SLC30A8: variants seen among roughly 807,000 people sequenced by gnomAD.
SLC30A8 encodes the protein proton-coupled zinc antiporter SLC30A8.
Under a neutral mutation model 36.9 loss-of-function variants are expected in SLC30A8, and 27 were observed. The ratio of observed to expected loss-of-function variants is 0.73; its 90% CI spans 0.54 to 1.01. The LOEUF (loss-of-function observed/expected upper bound fraction) is 1.01, where lower values mean the gene tolerates loss of function less well. Ranked by LOEUF, SLC30A8 falls within the 50% of genes least tolerant of loss-of-function variation. SLC30A8 has a pLI of 0.00. For synonymous variants in SLC30A8, 164 were observed against 172.4 expected (o/e 0.95, Z 0.38); for missense variants, 439 against 452.0 (o/e 0.97, Z 0.26).
chr8:116,984,061 GTTA>G (rs1815362845), intron 1 of SLC30A8, among the ~76,000 whole-genome samples: 1 of 152,036 alleles, frequency 6.6e-6, no homozygotes, highest in African/African-American at 2.4e-5. Context: ...TTTCAATAAT[GTTA>G]TTATGGATAG....
At chr8:117,026,026 T>C (rs1025870461) in intron 1 of SLC30A8, among the ~76,000 whole-genome samples, 3 of 152,156 alleles carry the variant, frequency 2.0e-5, no homozygotes, top group African/African-American at 7.2e-5. Context: ...AGCTGCACTT[T>C]AGGAGTTATG....
At chr8:117,166,623 G>A (rs940256727) in intron 6 of SLC30A8, among the ~76,000 whole-genome samples, 1 of 152,116 alleles carries the variant, frequency 6.6e-6, no homozygotes, top group African/African-American at 2.4e-5. Context: ...CAACACTTCA[G>A]GAACCACTGG....
chr8:117,058,940 T>G (rs555050102), intron 2 of SLC30A8, among the ~76,000 whole-genome samples: 4 of 152,306 alleles, frequency 2.6e-5, no homozygotes, highest in African/African-American at 9.6e-5. Flanking sequence ...TAACCCTTTC[T>G]TAAAAAATGT....
At chr8:117,069,457 G>A (rs1314489581) in intron 2 of SLC30A8, among the ~76,000 whole-genome samples, 2 of 152,178 alleles carry the variant, frequency 1.3e-5, no homozygotes, top group African/African-American at 4.8e-5. Flanking sequence ...AATTGAAAGT[G>A]ACTGTATTAT....
chr8:117,025,878 A>C (rs1405607921), intron 1 of SLC30A8, among the ~76,000 whole-genome samples: 2 of 152,210 alleles, frequency 1.3e-5, no homozygotes, highest in Non-Finnish European at 2.9e-5. Flanking sequence ...ATGGCATTTA[A>C]TGGTCTCAGG....
chr8:116,980,379 G>C (rs1815211110), intron 1 of SLC30A8, among the ~76,000 whole-genome samples: 1 of 152,094 alleles, frequency 6.6e-6, no homozygotes, highest in Non-Finnish European at 1.5e-5. Context: ...GAAAGGGCAG[G>C]GGGAGAATTT....
intron 2 of SLC30A8, among the ~76,000 whole-genome samples, chr8:117,085,194 T>C (rs1438006230): frequency 1.3e-5 from 2 of 152,162 alleles, no homozygotes; most frequent in Admixed American, 6.6e-5. Context: ...GTTTACATAC[T>C]ACCCTCTATT....
chr8:117,136,873 C>T (rs1022603634), intron 1 of SLC30A8, among the ~76,000 whole-genome samples: 7 of 152,086 alleles, frequency 4.6e-5, no homozygotes, highest in Non-Finnish European at 7.4e-5. Context: ...GTTTTCAGGA[C>T]ACAGTGTTTA....
At chr8:116,994,781 CA>C (rs1815760797) in intron 1 of SLC30A8, among the ~76,000 whole-genome samples, 1 of 152,028 alleles carries the variant, frequency 6.6e-6, no homozygotes, top group Non-Finnish European at 1.5e-5. Flanking sequence ...CTGTCTTTCC[CA>C]AAAGCGAAGT....
intron 1 of SLC30A8, among the ~76,000 whole-genome samples, chr8:116,992,545 G>A (rs1054969701): frequency 6.6e-6 from 1 of 152,062 alleles, no homozygotes; most frequent in African/African-American, 2.4e-5. Flanking sequence ...CTTTATGGAA[G>A]TGTCATGGGT....
intron 1 of SLC30A8, among the ~76,000 whole-genome samples, chr8:116,958,970 C>T (rs1039394207): frequency 6.6e-6 from 1 of 150,968 alleles, no homozygotes; most frequent in African/African-American, 2.4e-5. Context: ...CTGCCTCAGC[C>T]TCCCGAGTAG....
chr8:117,054,116 T>TTTTTTTTTG (rs71305459), intron 2 of SLC30A8, among the ~76,000 whole-genome samples: 1 of 150,154 alleles, frequency 6.7e-6, no homozygotes, highest in Non-Finnish European at 1.5e-5. Context: ...TTTTTTTTTT[T>TTTTTTTTTG]GAGACAGGGC....
In SLC30A8 at chr8:117,135,359, A is replaced by T. The variant is rs1821312496; in HGVS notation, c.32A>T (p.Asn11Ile). 13 of 1,600,996 alleles carry T rather than the reference A, an allele frequency of 8.1e-6. No individual in the cohort carries two copies. Among genetic ancestry groups the T allele is most frequent in the Non-Finnish European group, 1.1e-5 (13 of 1,172,130 alleles). MEFLERTYLV[N>I]DKAAKMYAFT... is the part of the protein sequence containing the mutation. ...TTTCTTGAAAGAACGTATCTTGTGA[A>T]TGATAAAGCTGCCAAGATGTATGCT... is the stretch of plus-strand genomic sequence containing the variant. The change falls in exon 1 of 8, where the codon AAT becomes ATT. Residue 11 changes from asparagine to isoleucine, a missense_variant. Coordinates refer to ENST00000456015, the MANE Select transcript of SLC30A8 (RefSeq NM_173851.3).
chr8:117,023,030 G>GA (rs1394949863), intron 1 of SLC30A8, among the ~76,000 whole-genome samples: 6 of 151,338 alleles, frequency 4.0e-5, no homozygotes, highest in Admixed American at 1.3e-4. Flanking sequence ...AAATTTACAA[G>GA]AAAAAAAACA....
At chr8:117,125,176 A>G (rs546198663) in intron 2 of SLC30A8, among the ~76,000 whole-genome samples, 3 of 152,142 alleles carry the variant, frequency 2.0e-5, no homozygotes, top group African/African-American at 7.2e-5. Context: ...GATTTTTATC[A>G]GAATAAGAAG....
chr8:117,053,935 A>G (rs1383182049), intron 2 of SLC30A8, among the ~76,000 whole-genome samples: 3 of 152,156 alleles, frequency 2.0e-5, no homozygotes, highest in Non-Finnish European at 2.9e-5. Context: ...GGAAGTGAGC[A>G]CTCAGTGGTA....
At chr8:116,959,646 T>C (rs1814347885) in intron 1 of SLC30A8, among the ~76,000 whole-genome samples, 1 of 152,182 alleles carries the variant, frequency 6.6e-6, no homozygotes, top group South Asian at 2.1e-4. Context: ...TCATAGTTGT[T>C]AGATGGAACC....
intron 2 of SLC30A8, among the ~76,000 whole-genome samples, chr8:117,149,910 C>T (rs1297466123): frequency 6.6e-6 from 1 of 152,176 alleles, no homozygotes; most frequent in African/African-American, 2.4e-5. Context: ...TCACAGGGCA[C>T]AGTCACTCAC....
At chr8:117,163,611 G>A in intron 6 of SLC30A8, 81 bp downstream of exon 6, 2 of 969,308 alleles carry the variant, frequency 2.1e-6, no homozygotes, top group Non-Finnish European at 3.0e-6. Context: ...TACAAGGCAT[G>A]CTCACTGTTA....
Sources: allele counts gnomAD v4.1 joint callset (sites outside exome capture counted in the v4.1 genomes callset), GRCh38; gene constraint gnomAD v4.1.1; transcripts MANE v1.5; gene names NCBI Gene and HGNC (gene_info 2026-07-23, HGNC 2026-07-21).